The following TENM4 variants were observed in gnomAD, a reference collection of about 807,000 sequenced individuals.
The protein encoded by TENM4 is teneurin-4.
Under a neutral mutation model 243.3 loss-of-function variants are expected in TENM4, and 82 were observed. The ratio of observed to expected loss-of-function variants is 0.34; its 90% confidence interval spans 0.28 to 0.40. TENM4 has a LOEUF of 0.40. Ranked by LOEUF, TENM4 falls within the 10% of genes least tolerant of loss-of-function variation. The pLI is 1.00. For missense variants in TENM4, 3,138 were observed against 3,673.3 expected, an observed-to-expected ratio of 0.85 and a Z score of 3.77; for synonymous variants, 1,412 against 1,456.3, an observed-to-expected ratio of 0.97 and a Z score of 0.69.
At chr11:79,388,460 A>T (rs1858161568) in intron 1 of TENM4, among the ~76,000 whole-genome samples, 1 of 152,220 alleles carries the variant, frequency 6.6e-6, no homozygotes, top group Non-Finnish European at 1.5e-5. Flanking sequence ...AGAAAACATG[A>T]GATTCCCAGA....
intron 12 of TENM4, among the ~76,000 whole-genome samples, chr11:78,839,292 T>C (rs1275530861): frequency 6.6e-6 from 1 of 152,236 alleles, no homozygotes; most frequent in East Asian, 1.9e-4. Context: ...GAACATGTTA[T>C]AGTTCCTAAT....
intron 3 of TENM4, among the ~76,000 whole-genome samples, chr11:79,179,365 T>G (rs947391633): frequency 4.6e-5 from 7 of 152,214 alleles, no homozygotes; most frequent in African/African-American, 1.7e-4. Flanking sequence ...TTGCATACTG[T>G]CTATATCTGC....
rs1341258496 is a variant in TENM4, at chr11:79,406,908, T to C, written c.-321+33601A>G. ...AGGTTAAGGAAACAAAGCATATCTG[T>C]ATCAAAAGGAAAGCAAAAAAATTTG... On this transcript the variant is annotated intron_variant, in intron 1 of 33. Coordinates refer to ENST00000278550, the MANE Select transcript of TENM4 (RefSeq NM_001098816.3). Among the ~76,000 whole-genome samples the C allele has an allele frequency of 3.0e-4, 46 of 152,184 alleles. 2 individuals carry two copies. Among genetic ancestry groups the C allele is most frequent in the Admixed American group, 3.0e-3 (46 of 15,284 alleles).
At chr11:79,061,390 C>T (rs1202335786) in intron 6 of TENM4, among the ~76,000 whole-genome samples, 7 of 152,176 alleles carry the variant, frequency 4.6e-5, no homozygotes, top group Admixed American at 4.6e-4. Context: ...CTGCCTACCT[C>T]CTCTGCCCAC....
intron 10 of TENM4, among the ~76,000 whole-genome samples, chr11:78,858,507 A>C (rs971814768): frequency 1.3e-5 from 2 of 152,144 alleles, no homozygotes; most frequent in African/African-American, 2.4e-5. Context: ...CCTGCTGATC[A>C]CCTTTACCTG....
At chr11:79,430,418 T>TGAGCCTGCCATTCAC (rs1174233134) in intron 1 of TENM4, among the ~76,000 whole-genome samples, 2 of 152,184 alleles carry the variant, frequency 1.3e-5, no homozygotes, top group African/African-American at 4.8e-5. Flanking sequence ...GTCCAGGTCC[T>TGAGCCTGCCATTCAC]GAGCCTGCCA....
At chr11:79,406,900 C>T (rs1314108610) in intron 1 of TENM4, among the ~76,000 whole-genome samples, 1 of 152,126 alleles carries the variant, frequency 6.6e-6, no homozygotes, top group Non-Finnish European at 1.5e-5. Context: ...GGAAACAAAG[C>T]ATATCTGTAT....
chr11:78,851,470 T>C (rs1263566732), intron 12 of TENM4, among the ~76,000 whole-genome samples: 1 of 152,232 alleles, frequency 6.6e-6, no homozygotes, highest in Non-Finnish European at 1.5e-5. Context: ...CTAAGATGTG[T>C]ATCCTAATTA....
At chr11:79,260,239 C>T (rs563552649) in intron 2 of TENM4, among the ~76,000 whole-genome samples, 1 of 152,280 alleles carries the variant, frequency 6.6e-6, no homozygotes, top group South Asian at 2.1e-4. Context: ...GTGAGCGAGG[C>T]ACCAAGGGTA....
intron 1 of TENM4, among the ~76,000 whole-genome samples, chr11:79,419,334 T>C (rs772214883): frequency 5.3e-5 from 8 of 152,182 alleles, no homozygotes; most frequent in Non-Finnish European, 1.2e-4. Flanking sequence ...ACCAGAGCAC[T>C]TGGGAACAGG....
chr11:79,106,076 T>G (rs767107982), intron 4 of TENM4, among the ~76,000 whole-genome samples: 7 of 152,244 alleles, frequency 4.6e-5, no homozygotes, highest in Non-Finnish European at 8.8e-5. Context: ...ACATGCTCTC[T>G]TCAAGCCTCA....
At chr11:78,790,218 T>G (rs632280) in intron 15 of TENM4, among the ~76,000 whole-genome samples, 92,219 of 152,088 alleles carry the variant, frequency 0.61, 29,948 homozygotes, top group Non-Finnish European at 0.73. Context: ...CTATGACTCA[T>G]GCCTGCACCT....
chr11:79,331,905 C>CTTTCTT (rs1857067672), intron 1 of TENM4, among the ~76,000 whole-genome samples: 1 of 152,238 alleles, frequency 6.6e-6, no homozygotes, highest in African/African-American at 2.4e-5. Context: ...GACACTTGTT[C>CTTTCTT]TGAAATCAAA....
chr11:78,907,702 C>A lies in TENM4; in HGVS notation c.494-4179G>T, dbSNP rs553475992. Reference sequence around the variant, plus strand: ...GAGCTGTGCCTGATGCATGGTAGGCCCTCAGTAAATATTTACAGAATGTCG... The same window carrying A: ...GAGCTGTGCCTGATGCATGGTAGGCACTCAGTAAATATTTACAGAATGTCG... On this transcript the variant is annotated intron_variant, in intron 6 of 33. Transcript: ENST00000278550. Among the ~76,000 whole-genome samples the A allele has an allele frequency of 3.9e-5, 6 of 152,260 alleles. No homozygotes were observed. The East Asian group carries it at 1.2e-3, about 29-fold the overall frequency.
chr11:78,809,258 G>C (rs1378354973), intron 14 of TENM4, among the ~76,000 whole-genome samples: 1 of 152,204 alleles, frequency 6.6e-6, no homozygotes, highest in Non-Finnish European at 1.5e-5. Context: ...AGGAACTGAC[G>C]AGAGGCTACC....
chr11:78,835,478 C>G (rs982403586), intron 12 of TENM4, among the ~76,000 whole-genome samples: 3 of 152,180 alleles, frequency 2.0e-5, no homozygotes, highest in African/African-American at 7.2e-5. Context: ...TGCACTCTAG[C>G]CTGGTGACAG....
chr11:78,805,628 G>C, intron 14 of TENM4, 136 bp from the exon 15 acceptor site: 1 of 1,073,786 alleles, frequency 9.3e-7, no homozygotes, highest in South Asian at 1.4e-5. Context: ...ACTTAGTAAG[G>C]TGAGAGCAGT....
At chr11:78,697,949 C>T (rs1331623030) in intron 28 of TENM4, among the ~76,000 whole-genome samples, 1 of 152,194 alleles carries the variant, frequency 6.6e-6, no homozygotes, top group Non-Finnish European at 1.5e-5. Context: ...ATTTCAGACT[C>T]CTTTGAGCTT....
intron 1 of TENM4, among the ~76,000 whole-genome samples, chr11:79,338,977 G>C (rs1857197505): frequency 6.6e-6 from 1 of 152,204 alleles, no homozygotes; most frequent in African/African-American, 2.4e-5. Context: ...AAACCCAAAG[G>C]CCGAGCCTTG....
Sources: allele counts gnomAD v4.1 joint callset (sites outside exome capture counted in the v4.1 genomes callset), GRCh38; gene constraint gnomAD v4.1.1; transcripts MANE v1.5; gene names NCBI Gene and HGNC (gene_info 2026-07-23, HGNC 2026-07-21).